Variants in CORO7 observed in about 807,000 individuals in gnomAD.
The protein encoded by CORO7 is coronin 7, also known as coronin-7.
In CORO7, 107 loss-of-function variants were observed where a neutral mutation model predicts 126.6. That is an observed-to-expected ratio of 0.85 (90% CI 0.72 to 0.99). The LOEUF (loss-of-function observed/expected upper bound fraction) is 0.99, where lower values mean the gene tolerates loss of function less well. CORO7 is among the 50% of genes least tolerant of loss of function. The pLI is 0.00. For synonymous variants in CORO7, 603 were observed against 536.8 expected (o/e 1.12, Z -1.70); for missense variants, 1,314 against 1,255.8 (o/e 1.05, Z -0.70).
intron 6 of CORO7, 24 bp downstream of exon 6, chr16:4,405,467 G>A (rs750459812): frequency 1.2e-6 from 2 of 1,608,302 alleles, no homozygotes; most frequent in Admixed American, 1.7e-5. Context: ...GAGCCCCACA[G>A]GGCATCCCCA....
At chr16:4,389,714 G>C (rs2055321069) in intron 7 of CORO7, among the ~76,000 whole-genome samples, 1 of 152,248 alleles carries the variant, frequency 6.6e-6, no homozygotes, top group African/African-American at 2.4e-5. Context: ...GGGGATATCG[G>C]GTCAGGACAA....
intron 1 of CORO7, 87 bp downstream of exon 1, chr16:4,416,372 G>T (rs1257706620): frequency 7.0e-7 from 1 of 1,428,556 alleles, no homozygotes; most frequent in East Asian, 2.9e-5. Context: ...GACGGCCCTG[G>T]AGGGCACCCC....
intron 9 of CORO7, chr16:4,381,413 A>G: frequency 1.3e-6 from 2 of 1,585,322 alleles, no homozygotes; most frequent in East Asian, 2.3e-5. Context: ...CTCAGCCACA[A>G]CAGCCTCCTG....
chr16:4,361,022 G>A lies in CORO7; in HGVS notation c.1838C>T (p.Ser613Phe). 1.2e-6 allele frequency: 2 copies of A among 1,613,344 alleles called. No homozygotes were observed. Among genetic ancestry groups the A allele is most frequent in the Middle Eastern group, 1.6e-4 (1 of 6,062 alleles). The stretch of plus-strand genomic sequence containing the variant: ...GATGCGAACAGTGAGGTCATAGGAG[G>A]ACGAGGCCAGCACATTGGCTGCCAG... The part of the protein sequence containing the change: ...HPLAANVLAS[S>F]SYDLTVRIWD... The change falls in exon 19 of 28, where the codon TCC becomes TTC. Residue 613 changes from serine (S) to phenylalanine (F), a missense_variant. Transcript: ENST00000251166.
rs148562391 is a variant in CORO7, at chr16:4,388,201, G to A, written c.703-133C>T. 2.3e-3 allele frequency: 2,553 copies of A among 1,127,910 alleles called. 48 individuals carry two copies. In the African/African-American group the frequency reaches 0.036, roughly 16 times the overall value. The allele number at this position is 1,127,910 out of a possible 1,614,324, so 69.9% of individuals were successfully genotyped here. A position where few individuals can be genotyped will look rare whatever the true frequency, so the allele number is the denominator to read the frequency against. On this transcript the variant is annotated intron_variant, in intron 8 of 27. Coordinates refer to ENST00000251166, the MANE Select transcript of CORO7 (RefSeq NM_024535.5). ...GCCCCAGAGCAGGGCTTGGAGTGGG[G>A]GTGGGAGTCACCCCAGGGAAAGAGA...
chr16:4,364,297 G>T lies in CORO7; in HGVS notation c.1254C>A (p.Pro418=). Residue 418 remains proline (P), a synonymous_variant, in exon 14 of 28, where the codon CCC becomes CCA. Coordinates refer to ENST00000251166, the MANE Select transcript of CORO7 (RefSeq NM_024535.5). ...DTAQPAVMET[P]VGDADASEGF... Reference sequence around the variant, plus strand: ...TTACGCTTGCGTCTGCATCACCCACGGGTGTCTCCATCACCGCAGGCTGGG... The same window carrying T: ...TTACGCTTGCGTCTGCATCACCCACTGGTGTCTCCATCACCGCAGGCTGGG... 6.5e-7 allele frequency: 1 copy of T among 1,548,366 alleles called. No homozygotes were observed. The highest frequency in any genetic ancestry group is 2.0e-5 in the Admixed American group (1 of 49,196).
rs1014029111 is a variant in CORO7, at chr16:4,362,837, C to T, written c.1276-99G>A. On this transcript the variant is annotated intron_variant, in intron 14 of 27. Transcript: ENST00000251166. This position sits in a 1 kb window ranked among gnomAD's most constrained non-coding sequence, Gnocchi z 5.3. ...CAGGGTCACCACTCTGGGCCCCCTG[C>T]GGACTGGAGGAGCCCCCACTGTGGG... 2.7e-5 allele frequency: 33 copies of T among 1,244,450 alleles called. No individual in the cohort carries two copies. Among genetic ancestry groups the T allele is most frequent in the East Asian group, 2.5e-4 (8 of 31,648 alleles). 77.1% of individuals were successfully genotyped at this position (1,244,450 alleles called of 1,614,324 possible). A position where few individuals can be genotyped will look rare whatever the true frequency, so the allele number is the denominator to read the frequency against.
chr16:4,395,378 G>A (rs1273272849), intron 6 of CORO7, 39 bp from the exon 7 acceptor site: 6 of 1,613,266 alleles, frequency 3.7e-6, no homozygotes, highest in Admixed American at 1.7e-5. Flanking sequence ...TGCGATTAGG[G>A]CTGGAGGGTC....
chr16:4,411,639 CCA>C (rs2056213623), intron 3 of CORO7, among the ~76,000 whole-genome samples: 1 of 152,080 alleles, frequency 6.6e-6, no homozygotes, highest in African/African-American at 2.4e-5. Context: ...TTGTTATTAA[CCA>C]CCATCATTAT....
chr16:4,411,858 G>A (rs1035270945), intron 3 of CORO7, among the ~76,000 whole-genome samples: 1 of 151,880 alleles, frequency 6.6e-6, no homozygotes, highest in African/African-American at 2.4e-5. Flanking sequence ...CCCTCGAGGC[G>A]GACAGCCTGC....
At chr16:4,390,820 T>C (rs541178449) in intron 7 of CORO7, among the ~76,000 whole-genome samples, 1 of 152,248 alleles carries the variant, frequency 6.6e-6, no homozygotes, top group African/African-American at 2.4e-5. Flanking sequence ...CTCAGAGTGG[T>C]GATGAGGCTT....
intron 13 of CORO7, 62 bp from the exon 14 acceptor site, chr16:4,364,475 T>G: frequency 6.8e-7 from 1 of 1,475,780 alleles, no homozygotes; most frequent in Non-Finnish European, 9.0e-7. Context: ...AGGGCCCCCA[T>G]GGGAGGGTCA....
chr16:4,381,129 A>C (rs1192477972), intron 9 of CORO7: 1 of 1,610,224 alleles, frequency 6.2e-7, no homozygotes, highest in Admixed American at 1.7e-5. Context: ...TGGACCTGTC[A>C]CAGAACCAGA....
rs1440584537 is a variant in CORO7, at chr16:4,362,838, G to A, written c.1276-100C>T. 21 of 1,243,686 alleles carry A rather than the reference G, an allele frequency of 1.7e-5. No homozygotes were observed. The highest frequency in any genetic ancestry group is 6.3e-5 in the East Asian group (2 of 31,652). The allele number at this position is 1,243,686 out of a possible 1,614,324, so 77.0% of individuals were successfully genotyped here. ...AGGGTCACCACTCTGGGCCCCCTGC[G>A]GACTGGAGGAGCCCCCACTGTGGGC... On this transcript the variant is annotated intron_variant, in intron 14 of 27. Transcript: ENST00000251166. The surrounding 1 kb of genome is among the most constrained non-coding windows in gnomAD (Gnocchi z 5.3).
intron 9 of CORO7, among the ~76,000 whole-genome samples, chr16:4,376,880 G>A (rs1198904898): frequency 1.3e-5 from 2 of 152,204 alleles, no homozygotes; most frequent in African/African-American, 4.8e-5. Flanking sequence ...TCTGTGTAAA[G>A]CTGGCCTGAA....
chr16:4,399,416 G>A (rs1340256957), intron 6 of CORO7, among the ~76,000 whole-genome samples: 1 of 152,118 alleles, frequency 6.6e-6, no homozygotes. Context: ...ACTTATGTGG[G>A]GCATCTAAAG....
In CORO7 at chr16:4,407,547, G is replaced by C; in HGVS notation, c.441C>G (p.Gly147=). The C allele has an allele frequency of 6.3e-7, 1 of 1,580,502 alleles. No individual in the cohort carries two copies. Among genetic ancestry groups the C allele is most frequent in the Non-Finnish European group, 8.6e-7 (1 of 1,163,328 alleles). ...CTGCGTCCCAGACCTTCACAGTGGT[G>C]CCTGCTGCGCTCACCAGAATGCCGT... The part of the protein sequence containing the change: ...TSDGILVSAA[G]TTVKVWDAAK... The change falls in exon 5 of 28, where the codon GGC becomes GGG. Residue 147 remains glycine (G), a synonymous_variant. Coordinates refer to ENST00000251166, the MANE Select transcript of CORO7 (RefSeq NM_024535.5).
intron 6 of CORO7, among the ~76,000 whole-genome samples, chr16:4,398,670 A>C (rs1212304426): frequency 6.6e-6 from 1 of 151,014 alleles, no homozygotes; most frequent in Non-Finnish European, 1.5e-5. Flanking sequence ...CATCTGAAAA[A>C]AAAAAAAAAA....
At chr16:4,415,276 CCTCCATCCA>C (rs2056365552) in intron 1 of CORO7, among the ~76,000 whole-genome samples, 1 of 152,160 alleles carries the variant, frequency 6.6e-6, no homozygotes, top group African/African-American at 2.4e-5. Flanking sequence ...CCGGCCATCC[CCTCCATCCA>C]CTCATGCTCA....
Sources: gnomAD v4.1 joint callset for allele counts (sites outside exome capture counted in the v4.1 genomes callset) on GRCh38, gnomAD v4.1.1 for gene constraint, Gnocchi (gnomAD v3.1) non-coding constraint, MANE v1.5 for transcripts, NCBI Gene and HGNC (gene_info 2026-07-23, HGNC 2026-07-21) for gene names.